TTC39B: variants seen among roughly 807,000 people sequenced by gnomAD.
The protein encoded by TTC39B is tetratricopeptide repeat protein 39B.
Under a neutral mutation model 96.6 loss-of-function variants are expected in TTC39B, and 92 were observed. The ratio of observed to expected loss-of-function variants is 0.95; its 90% CI spans 0.80 to 1.13. The LOEUF (loss-of-function observed/expected upper bound fraction) is 1.13. Among genes scored for constraint, TTC39B ranks in the 50% most tolerant of loss-of-function variants. The probability of loss-of-function intolerance (pLI) is 0.00; values close to 1 mark genes in which losing one functional copy is unlikely to be tolerated. For missense variants in TTC39B, 955 were observed against 809.3 expected (o/e 1.18, Z -2.18); for synonymous variants, 367 against 299.4 (o/e 1.23, Z -2.33).
chr9:15,184,253 T>G (rs1422903056), intron 16 of TTC39B, among the ~76,000 whole-genome samples: 1 of 152,112 alleles, frequency 6.6e-6, no homozygotes, highest in African/African-American at 2.4e-5. Context: ...TACCAAAATA[T>G]TAAATGTATA....
intron 2 of TTC39B, among the ~76,000 whole-genome samples, chr9:15,227,292 G>A (rs1353636878): frequency 6.8e-6 from 1 of 147,528 alleles, no homozygotes; most frequent in South Asian, 2.2e-4. Context: ...TGGGCGACAA[G>A]AGCAAAACTC....
chr9:15,256,478 G>T (rs1822755552), intron 2 of TTC39B, among the ~76,000 whole-genome samples: 1 of 152,124 alleles, frequency 6.6e-6, no homozygotes, highest in Non-Finnish European at 1.5e-5. Context: ...TGACAAGCAT[G>T]GTGCATAGGT....
intron 1 of TTC39B, among the ~76,000 whole-genome samples, chr9:15,284,293 A>T (rs1470871795): frequency 2.0e-5 from 3 of 152,260 alleles, no homozygotes; most frequent in African/African-American, 7.2e-5. Flanking sequence ...AGCATATACT[A>T]TCATTACAGT....
At chr9:15,255,632 A>C (rs994300335) in intron 2 of TTC39B, among the ~76,000 whole-genome samples, 1 of 152,204 alleles carries the variant, frequency 6.6e-6, no homozygotes, top group Non-Finnish European at 1.5e-5. Context: ...AAAAGTTAAC[A>C]AAAGGCAATG....
intron 9 of TTC39B, among the ~76,000 whole-genome samples, chr9:15,191,522 G>C (rs1217937415): frequency 1.3e-5 from 2 of 152,208 alleles, no homozygotes; most frequent in Non-Finnish European, 2.9e-5. Flanking sequence ...GATGTGGTGT[G>C]ATGAAGTGAC....
chr9:15,299,473 C>A (rs1165958670), intron 1 of TTC39B, among the ~76,000 whole-genome samples: 2 of 152,090 alleles, frequency 1.3e-5, no homozygotes, highest in Non-Finnish European at 2.9e-5. Flanking sequence ...GCCGCGGTGG[C>A]TCTGGGTATA....
intron 2 of TTC39B, among the ~76,000 whole-genome samples, chr9:15,237,626 A>G (rs1307314822): frequency 6.7e-6 from 1 of 148,546 alleles, no homozygotes; most frequent in African/African-American, 2.5e-5. Flanking sequence ...GTAAGTAATG[A>G]AATTAAACTA....
chr9:15,222,073 C>T (rs1820874372), intron 3 of TTC39B, among the ~76,000 whole-genome samples: 1 of 152,154 alleles, frequency 6.6e-6, no homozygotes, highest in African/African-American at 2.4e-5. Context: ...GGATGTATTC[C>T]CAAAAACCTG....
chr9:15,278,202 A>G (rs879546134), intron 1 of TTC39B, among the ~76,000 whole-genome samples: 1 of 152,232 alleles, frequency 6.6e-6, no homozygotes, highest in African/African-American at 2.4e-5. Context: ...CAGTACTTAA[A>G]AGAAAAATCG....
At chr9:15,270,033 G>A (rs1245763599) in intron 1 of TTC39B, among the ~76,000 whole-genome samples, 1 of 152,076 alleles carries the variant, frequency 6.6e-6, no homozygotes, top group African/African-American at 2.4e-5. Flanking sequence ...GCCAGGCATG[G>A]TGGTGCATTT....
intron 1 of TTC39B, among the ~76,000 whole-genome samples, chr9:15,279,706 G>T (rs1823681265): frequency 6.6e-6 from 1 of 152,156 alleles, no homozygotes; most frequent in African/African-American, 2.4e-5. Flanking sequence ...GCCTGGGAAA[G>T]GTTAGGAAGT....
intron 1 of TTC39B, among the ~76,000 whole-genome samples, chr9:15,287,472 A>G (rs998833800): frequency 1.3e-5 from 2 of 152,204 alleles, no homozygotes; most frequent in African/African-American, 4.8e-5. Context: ...TAACAAAGAG[A>G]TAAGAGTTCA....
rs758636853 is a variant in TTC39B, at chr9:15,252,370, C to G, written c.275+15544G>C. The stretch of plus-strand genomic sequence containing the variant: ...CTTTAAGAAATTACAAAAGGTGGGC[C>G]GGGCGCAGTGGCTCACGCCTGTAAT... On this transcript the variant is annotated intron_variant, in intron 2 of 19. Coordinates refer to ENST00000512701, the Ensembl canonical transcript of TTC39B. 6.6e-4 allele frequency among the ~76,000 whole-genome samples: 100 copies of G among 152,188 alleles called. 1 individual carries two copies. The Middle Eastern group carries it at 0.01, about 16-fold the overall frequency.
chr9:15,186,147 T>G (rs924737847), intron 15 of TTC39B, among the ~76,000 whole-genome samples: 1 of 152,182 alleles, frequency 6.6e-6, no homozygotes, highest in Non-Finnish European at 1.5e-5. Context: ...AATACTCAAT[T>G]ACATCACTGA....
chr9:15,194,365 T>G (rs1819029984), intron 8 of TTC39B, among the ~76,000 whole-genome samples: 1 of 152,206 alleles, frequency 6.6e-6, no homozygotes, highest in South Asian at 2.1e-4. Flanking sequence ...AAACATTTAC[T>G]AAAGTACCTA....
exon 9 of TTC39B, chr9:15,192,641 G>T: frequency 6.2e-7 from 1 of 1,614,070 alleles, no homozygotes; most frequent in South Asian, 1.1e-5. Flanking sequence ...ACTCATAGAA[G>T]AATTCCTGCT....
chr9:15,176,898 T>C (rs1337826422), intron 18 of TTC39B, among the ~76,000 whole-genome samples: 1 of 152,160 alleles, frequency 6.6e-6, no homozygotes, highest in East Asian at 1.9e-4. Flanking sequence ...CTGATTCAAC[T>C]CTATGGTTAG....
At chr9:15,183,288 A>G (rs181398755) in intron 16 of TTC39B, 5 of 406,854 alleles carry the variant, frequency 1.2e-5, no homozygotes, top group Non-Finnish European at 2.4e-5. Context: ...TCAATTTTAC[A>G]TGTAACAATT....
intron 1 of TTC39B, among the ~76,000 whole-genome samples, chr9:15,276,317 T>C (rs1823541289): frequency 1.3e-5 from 2 of 152,204 alleles, no homozygotes; most frequent in Admixed American, 1.3e-4. Flanking sequence ...TCCTCCTTTT[T>C]CTTCCTTAGT....
Sources: allele counts gnomAD v4.1 joint callset (sites outside exome capture counted in the v4.1 genomes callset), GRCh38; gene constraint gnomAD v4.1.1; transcripts MANE v1.5; gene names NCBI Gene and HGNC (gene_info 2026-07-23, HGNC 2026-07-21).